SUGCT: variants seen among roughly 807,000 people sequenced by gnomAD.
SUGCT encodes the protein succinyl-CoA:glutarate CoA-transferase.
A neutral mutation model predicts 55.0 loss-of-function variants in SUGCT; 41 were observed. The ratio of observed to expected loss-of-function variants is 0.74; its 90% CI spans 0.58 to 0.97. The LOEUF (loss-of-function observed/expected upper bound fraction) is 0.97, where lower values mean the gene tolerates loss of function less well. Ranked by LOEUF, SUGCT falls within the 50% of genes least tolerant of loss-of-function variation. SUGCT has a pLI of 0.00. For synonymous variants in SUGCT, 187 were observed against 200.4 expected (o/e 0.93, Z 0.56); for missense variants, 568 against 547.8 (o/e 1.04, Z -0.37).
chr7:40,761,906 G>C (rs1461966282), intron 13 of SUGCT, among the ~76,000 whole-genome samples: 3 of 152,156 alleles, frequency 2.0e-5, no homozygotes, highest in African/African-American at 7.2e-5. Flanking sequence ...ATGTTCCCGG[G>C]GAGCGTCAAA....
At chr7:40,209,268 C>T (rs899079880) in intron 6 of SUGCT, among the ~76,000 whole-genome samples, 6 of 152,010 alleles carry the variant, frequency 3.9e-5, no homozygotes, top group East Asian at 3.9e-4. Flanking sequence ...TTTGGGAGGC[C>T]GAGGCAGGAG....
intron 12 of SUGCT, among the ~76,000 whole-genome samples, chr7:40,580,985 C>G (rs1174369370): frequency 6.6e-6 from 1 of 152,130 alleles, no homozygotes; most frequent in Non-Finnish European, 1.5e-5. Context: ...AGAAAGAATT[C>G]CTGTTGTTAA....
chr7:40,891,122 A>C, the SUGCT span, among the ~76,000 whole-genome samples: 3 of 152,194 alleles, frequency 2.0e-5, no homozygotes, highest in African/African-American at 7.2e-5. Context: ...TAGAGGAAAA[A>C]AAAAGAAAGG....
the SUGCT span, among the ~76,000 whole-genome samples, chr7:40,929,372 C>T: frequency 5.9e-5 from 9 of 152,196 alleles, no homozygotes; most frequent in South Asian, 2.1e-4. Context: ...TGAATAATGC[C>T]GCAATAAACA....
chr7:40,482,487 C>G (rs978411225), intron 11 of SUGCT, among the ~76,000 whole-genome samples: 1 of 152,036 alleles, frequency 6.6e-6, no homozygotes, highest in Non-Finnish European at 1.5e-5. Flanking sequence ...TTCTCTCTGT[C>G]GATATTTAAA....
chr7:40,837,187 A>G (rs1921757), intron 13 of SUGCT, among the ~76,000 whole-genome samples: 38,044 of 152,072 alleles, frequency 0.25, 5,757 homozygotes, highest in East Asian at 0.8. Flanking sequence ...CTGAATGGCT[A>G]ATATTGAACG....
chr7:40,567,618 G>C (rs1796218254), intron 12 of SUGCT, among the ~76,000 whole-genome samples: 1 of 152,094 alleles, frequency 6.6e-6, no homozygotes, highest in Admixed American at 6.5e-5. Context: ...TAATGTGAGG[G>C]CTCTCAAGAA....
At chr7:40,256,385 C>A (rs1302384259) in intron 7 of SUGCT, among the ~76,000 whole-genome samples, 1 of 152,150 alleles carries the variant, frequency 6.6e-6, no homozygotes, top group Non-Finnish European at 1.5e-5. Flanking sequence ...AGACCCATAG[C>A]AATGAAGCCA....
intron 11 of SUGCT, among the ~76,000 whole-genome samples, chr7:40,495,242 T>A (rs1562816912): frequency 6.6e-6 from 1 of 151,254 alleles, no homozygotes; most frequent in African/African-American, 2.4e-5. Flanking sequence ...TTTTTTTTTT[T>A]AATGGTGAAA....
At chr7:40,195,222 CTTT>C (rs11326653) in intron 6 of SUGCT, among the ~76,000 whole-genome samples, 162 bp downstream of exon 6, 3 of 101,288 alleles carry the variant, frequency 3.0e-5, no homozygotes, top group Admixed American at 1.1e-4. Context: ...TTTCTTTTTT[CTTT>C]TTTTTTTTTT....
chr7:40,634,968 C>T (rs370274744), intron 12 of SUGCT, among the ~76,000 whole-genome samples: 18 of 152,126 alleles, frequency 1.2e-4, no homozygotes, highest in Admixed American at 3.3e-4. Context: ...ATAGATCGAA[C>T]GCAGTTGAAG....
intron 10 of SUGCT, among the ~76,000 whole-genome samples, chr7:40,454,050 G>A (rs1562789262): frequency 1.3e-5 from 2 of 152,108 alleles, no homozygotes; most frequent in African/African-American, 2.4e-5. Context: ...GCTCAATAGT[G>A]CAATGAAGAT....
chr7:40,679,076 C>T (rs188658051), intron 12 of SUGCT, among the ~76,000 whole-genome samples: 13 of 152,304 alleles, frequency 8.5e-5, no homozygotes, highest in Admixed American at 7.8e-4. Flanking sequence ...CCAGGCCACC[C>T]TTCTGAAGGG....
chr7:40,652,195 A>G (rs1390748901), intron 12 of SUGCT, among the ~76,000 whole-genome samples: 2 of 152,168 alleles, frequency 1.3e-5, no homozygotes, highest in Non-Finnish European at 2.9e-5. Flanking sequence ...GTTCAGTTTC[A>G]GTATTTTTCA....
At chr7:40,547,981 A>T (rs1433435130) in intron 12 of SUGCT, among the ~76,000 whole-genome samples, 2 of 151,988 alleles carry the variant, frequency 1.3e-5, no homozygotes, top group Non-Finnish European at 2.9e-5. Flanking sequence ...TACAAGTGGG[A>T]TTTTTATTTT....
At chr7:40,224,850 C>T (rs1788236909) in intron 6 of SUGCT, among the ~76,000 whole-genome samples, 1 of 152,154 alleles carries the variant, frequency 6.6e-6, no homozygotes, top group South Asian at 2.1e-4. Flanking sequence ...GTGACTCTGC[C>T]TTTTGTGTTG....
chr7:40,297,070 T>C (rs933401475), intron 8 of SUGCT, among the ~76,000 whole-genome samples: 2 of 152,194 alleles, frequency 1.3e-5, no homozygotes, highest in African/African-American at 4.8e-5. Context: ...GCCCATTACA[T>C]AGTAAGCACC....
intron 8 of SUGCT, among the ~76,000 whole-genome samples, chr7:40,309,900 A>G (rs888820276): frequency 6.6e-6 from 1 of 152,062 alleles, no homozygotes; most frequent in African/African-American, 2.4e-5. Context: ...ATTAAAAAAA[A>G]AAAAAAACAC....
chr7:40,268,526 C>T (rs929908906), intron 7 of SUGCT, among the ~76,000 whole-genome samples: 4 of 152,174 alleles, frequency 2.6e-5, no homozygotes, highest in African/African-American at 4.8e-5. Flanking sequence ...CTAGTCCCCA[C>T]GTTATCTGTT....
Sources: gnomAD v4.1 joint callset for allele counts (sites outside exome capture counted in the v4.1 genomes callset) on GRCh38, gnomAD v4.1.1 for gene constraint, MANE v1.5 for transcripts, NCBI Gene and HGNC (gene_info 2026-07-23, HGNC 2026-07-21) for gene names.